Variants in AIFM2 observed in about 807,000 individuals in gnomAD.
The protein encoded by AIFM2 is ferroptosis suppressor protein 1.
AIFM2 carries 38 observed loss-of-function variants against 35.7 expected under a neutral mutation model. That is an observed-to-expected ratio of 1.06 (90% confidence interval 0.82 to 1.39). The LOEUF (loss-of-function observed/expected upper bound fraction) is 1.39. Among genes scored for constraint, AIFM2 ranks in the 40% most tolerant of loss-of-function variants. The probability of loss-of-function intolerance (pLI) is 0.00; values close to 1 mark genes in which losing one functional copy is unlikely to be tolerated. For synonymous variants in AIFM2, 185 were observed against 203.5 expected (o/e 0.91, Z 0.77); for missense variants, 476 against 491.2 (o/e 0.97, Z 0.29).
intron 1 of AIFM2, among the ~76,000 whole-genome samples, chr10:70,126,029 G>A (rs1157968981): frequency 6.6e-6 from 1 of 152,260 alleles, no homozygotes; most frequent in African/African-American, 2.4e-5. Flanking sequence ...ACAGAGGAGG[G>A]CCCAGGGGCT....
rs962679952 is a variant in AIFM2 at position 70,112,309 on chromosome 10, A to T, written c.*1869T>A. 6.6e-6 allele frequency: 1 copy of T among 152,208 alleles called. No homozygotes were observed. Among genetic ancestry groups the T allele is most frequent in the Non-Finnish European group, 1.5e-5 (1 of 68,050 alleles). The allele number at this position is 152,208 out of a possible 1,614,324, so 9.4% of individuals were successfully genotyped here. A position where few individuals can be genotyped will look rare whatever the true frequency, so the allele number is the denominator to read the frequency against. ...ATTCTTTTATTGCAACATTTTCCTCAGTTTGGAAAACTGTGTCCCCACACG... is the reference window on the plus strand; with the variant it reads ...ATTCTTTTATTGCAACATTTTCCTCTGTTTGGAAAACTGTGTCCCCACACG... On this transcript the variant is annotated 3_prime_UTR_variant, in exon 9 of 9. Coordinates refer to ENST00000307864, the MANE Select transcript of AIFM2 (RefSeq NM_032797.6).
intron 1 of AIFM2, among the ~76,000 whole-genome samples, chr10:70,130,224 A>C (rs2072614037): frequency 6.6e-6 from 1 of 152,168 alleles, no homozygotes; most frequent in Non-Finnish European, 1.5e-5. Flanking sequence ...AAAAAGATGT[A>C]AGTTCAGTGG....
In AIFM2 at chr10:70,131,799, G is replaced by A. The variant is rs2072629870; in HGVS notation, c.-14+935C>T. On this transcript the variant is annotated intron_variant, in intron 1 of 8. Transcript: ENST00000307864. The surrounding 1 kb of genome is among the most constrained non-coding windows in gnomAD (Gnocchi z 4.1). ...TCTTGGTGACACACTGTGCTCCTTG[G>A]AGAACTCCTCTCTAGGTGCTGGGGT... 6.6e-6 allele frequency among the ~76,000 whole-genome samples: 1 copy of A among 152,170 alleles called. No homozygotes were observed. The highest frequency in any genetic ancestry group is 1.5e-5 in the Non-Finnish European group (1 of 68,026).
At chr10:70,129,700 T>C (rs1346600727) in intron 1 of AIFM2, among the ~76,000 whole-genome samples, 1 of 152,170 alleles carries the variant, frequency 6.6e-6, no homozygotes, top group African/African-American at 2.4e-5. Flanking sequence ...TTTGTATTGT[T>C]TGAATTTTTT....
At chr10:70,123,564 G>A (rs2072533315) in intron 2 of AIFM2, 44 bp from the exon 3 acceptor site, 1 of 1,554,890 alleles carries the variant, frequency 6.4e-7, no homozygotes, top group African/African-American at 1.4e-5. Context: ...GAGCCAGGCT[G>A]CCCACGGGAA....
Position 70,123,391 on chromosome 10 carries a change from T to G in AIFM2, c.294+14A>C. 1 of 1,611,316 alleles carries G rather than the reference T, an allele frequency of 6.2e-7. No homozygotes were observed. The highest frequency in any genetic ancestry group is 8.5e-7 in the Non-Finnish European group (1 of 1,177,746). On this transcript the variant is annotated intron_variant, in intron 3 of 8. Transcript: ENST00000307864. Reference sequence around the variant, plus strand: ...CCCTTGAGCCAGCTGGCAGCCGGGCTGGCCCTCACTCACCTCGCCACCCTG... The same window carrying G: ...CCCTTGAGCCAGCTGGCAGCCGGGCGGGCCCTCACTCACCTCGCCACCCTG...
intron 3 of AIFM2, 98 bp from the exon 4 acceptor site, chr10:70,121,309 GCCA>G: frequency 1.6e-5 from 22 of 1,406,202 alleles, no homozygotes; most frequent in Non-Finnish European, 2.0e-5. Context: ...CTCCCGGCCT[GCCA>G]GCCGGGACAA....
chr10:70,118,163 C>T (rs927621094), intron 5 of AIFM2: 9 of 449,162 alleles, frequency 2.0e-5, no homozygotes, highest in Non-Finnish European at 3.1e-5. Context: ...TACCAATATG[C>T]CAACATGTCA....
In AIFM2 at chr10:70,131,634, T is replaced by C. The variant is rs2072627827; in HGVS notation, c.-14+1100A>G. ...GTCCCCATGGTCTGCCCACCACCTG[T>C]ACCTGGACGCTGGCTTCATTTGGCC... is the stretch of plus-strand genomic sequence containing the variant. On this transcript the variant is annotated intron_variant, in intron 1 of 8. Coordinates refer to ENST00000307864, the MANE Select transcript of AIFM2 (RefSeq NM_032797.6). The surrounding 1 kb of genome is among the most constrained non-coding windows in gnomAD (Gnocchi z 4.1). Among the ~76,000 whole-genome samples, 1 of 152,158 alleles carries C rather than the reference T, an allele frequency of 6.6e-6. No homozygotes were observed. Among genetic ancestry groups the C allele is most frequent in the South Asian group, 2.1e-4 (1 of 4,834 alleles).
At chr10:70,126,509 A>T (rs4295944) in intron 1 of AIFM2, among the ~76,000 whole-genome samples, 47,876 of 152,088 alleles carry the variant, frequency 0.31, 8,979 homozygotes, top group Non-Finnish European at 0.41. Context: ...TGCCCTGATC[A>T]TCTTTGCGGG....
Position 70,124,014 on chromosome 10 carries a change from A to G in AIFM2, c.71T>C (p.Ile24Thr), listed in dbSNP as rs1452079242. 6.2e-7 allele frequency: 1 copy of G among 1,612,532 alleles called. No homozygotes were observed. Among genetic ancestry groups the G allele is most frequent in the African/African-American group, 1.3e-5 (1 of 74,898 alleles). The change falls in exon 2 of 9, where the codon ATC (isoleucine) becomes ACC (threonine). Residue 24 changes from isoleucine to threonine, a missense_variant. By Grantham distance (89) the Ile-to-Thr change is moderately conservative. Coordinates refer to ENST00000307864, the MANE Select transcript of AIFM2 (RefSeq NM_032797.6). The stretch of plus-strand genomic sequence containing the variant: ...GGCCTGCAGCTGGCTGGCTGCTGCG[A>G]TCCCGCCAAAGCCCCCACCCACAAT... ...VVIVGGGFGGIAAASQLQALN... is the reference protein window; with the variant it reads ...VVIVGGGFGGTAAASQLQALN...
At chr10:70,121,673 G>A (rs2072508356) in intron 3 of AIFM2, among the ~76,000 whole-genome samples, 1 of 147,422 alleles carries the variant, frequency 6.8e-6, no homozygotes. Flanking sequence ...AACAGCCACT[G>A]CACTGAGCAA....
At chr10:70,120,762 A>G (rs545610986) in intron 4 of AIFM2, among the ~76,000 whole-genome samples, 163 bp from the exon 5 acceptor site, 2 of 152,306 alleles carry the variant, frequency 1.3e-5, no homozygotes, top group African/African-American at 4.8e-5. Context: ...ACCTCGCAGA[A>G]TTGCTGTGGA....
In AIFM2 at chr10:70,123,412, C is replaced by G. The variant is rs756117637; in HGVS notation, c.287G>C (p.Gly96Ala). ...DLKNQMVLLQ[G>A]GEALPFSHLI... The stretch of plus-strand genomic sequence containing the variant: ...GGGCTGGCCCTCACTCACCTCGCCA[C>G]CCTGCAGCAGCACCATCTGGTTCTT... Residue 96 changes from glycine (G) to alanine (A), a missense_variant, in exon 3 of 9, where the codon GGT (glycine) becomes GCT (alanine). Gly to Ala is a moderately conservative substitution (Grantham distance 60, BLOSUM62 0). Coordinates refer to ENST00000307864, the MANE Select transcript of AIFM2 (RefSeq NM_032797.6). The G allele has an allele frequency of 1.8e-5, 29 of 1,613,992 alleles. No individual in the cohort carries two copies. The African/African-American group carries it at 3.6e-4, about 20-fold the overall frequency.
chr10:70,124,018 C>A lies in AIFM2; in HGVS notation c.67G>T (p.Gly23Trp). Residue 23 changes from glycine to tryptophan, a missense_variant, in exon 2 of 9, where the codon GGG (glycine) becomes TGG (tryptophan). Gly to Trp is a radical substitution (Grantham distance 184, BLOSUM62 -2). Transcript: ENST00000307864. Reference sequence around the variant, plus strand: ...TGCAGCTGGCTGGCTGCTGCGATCCCGCCAAAGCCCCCACCCACAATCACC... The same window carrying A: ...TGCAGCTGGCTGGCTGCTGCGATCCAGCCAAAGCCCCCACCCACAATCACC... The part of the protein sequence containing the change: ...HVVIVGGGFG[G>W]IAAASQLQAL... 1 of 1,612,350 alleles carries A rather than the reference C, an allele frequency of 6.2e-7. No individual in the cohort carries two copies. Among genetic ancestry groups the A allele is most frequent in the Non-Finnish European group, 8.5e-7 (1 of 1,179,142 alleles).
chr10:70,121,927 A>T (rs1349271038), intron 3 of AIFM2, among the ~76,000 whole-genome samples: 2 of 151,734 alleles, frequency 1.3e-5, no homozygotes, highest in Admixed American at 6.6e-5. Flanking sequence ...TCCCATCTCT[A>T]CTAAAAATAC....
chr10:70,120,650 C>T, intron 4 of AIFM2, 51 bp from the exon 5 acceptor site: 2 of 1,588,568 alleles, frequency 1.3e-6, no homozygotes, highest in Non-Finnish European at 1.7e-6. Context: ...ACCTACACAT[C>T]CACCTCTGTC....
In AIFM2 at chr10:70,117,827, C is replaced by G; in HGVS notation, c.601G>C (p.Val201Leu). 1 of 1,605,210 alleles carries G rather than the reference C, an allele frequency of 6.2e-7. No individual in the cohort carries two copies. Among genetic ancestry groups the G allele is most frequent in the South Asian group, 1.1e-5 (1 of 90,062 alleles). The change falls in exon 6 of 9, where the codon GTG becomes CTG. Residue 201 changes from valine to leucine, a missense_variant. By Grantham distance (32) the Val-to-Leu change is conservative. Transcript: ENST00000307864. The surrounding 1 kb of genome is among the most constrained non-coding windows in gnomAD (Gnocchi z 4.7). ...EVKEILLRKG[V>L]QLLLSERVSN... ...GTGCACGTACTCAGCAGCAGCTGCA[C>G]GCCCTTCCGGAGGAGGATCTCCTTC...
intron 1 of AIFM2, among the ~76,000 whole-genome samples, chr10:70,128,176 A>G (rs2072589115): frequency 6.6e-6 from 1 of 152,236 alleles, no homozygotes; most frequent in Admixed American, 6.5e-5. Context: ...AAATGCACGT[A>G]TGGAATTAGT....
Sources: gnomAD v4.1 joint callset for allele counts (sites outside exome capture counted in the v4.1 genomes callset) on GRCh38, gnomAD v4.1.1 for gene constraint, Gnocchi (gnomAD v3.1) non-coding constraint, MANE v1.5 for transcripts, NCBI Gene and HGNC (gene_info 2026-07-23, HGNC 2026-07-21) for gene names.